TMEM106B: variants seen among roughly 807,000 people sequenced by gnomAD.
The protein encoded by TMEM106B is transmembrane protein 106B.
Under a neutral mutation model 31.1 loss-of-function variants are expected in TMEM106B, and 15 were observed. That is an observed-to-expected ratio of 0.48 (90% CI 0.32 to 0.74). The LOEUF is 0.74. Ranked by LOEUF, TMEM106B falls within the 30% of genes least tolerant of loss-of-function variation. TMEM106B has a pLI of 0.03. For synonymous variants in TMEM106B, 126 were observed against 112.5 expected, an observed-to-expected ratio of 1.12 and a Z score of -0.76; for missense variants, 283 against 327.3, an observed-to-expected ratio of 0.86 and a Z score of 1.04.
rs565276592 is a variant in TMEM106B, at chr7:12,233,150, C to G, written c.*1175C>G. The G allele has an allele frequency of 6.6e-6, 1 of 150,606 alleles. No individual in the cohort carries two copies. The highest frequency in any genetic ancestry group is 2.1e-4 in the South Asian group (1 of 4,774). 9.3% of individuals were successfully genotyped at this position (150,606 alleles called of 1,614,324 possible). A position where few individuals can be genotyped will look rare whatever the true frequency, so the allele number is the denominator to read the frequency against. ...GTAGTTACTTTTTTATAGTTTTCTA[C>G]TTTTGGTTTTATTTAAAATTGTTTT... On this transcript the variant is annotated 3_prime_UTR_variant, in exon 8 of 8. Coordinates refer to ENST00000396668, the MANE Select transcript of TMEM106B (RefSeq NM_001134232.2).
rs1349731068 is a variant in TMEM106B at position 12,236,908 on chromosome 7, T to G, written c.*4933T>G. Reference sequence around the variant, plus strand: ...AAAATGATTTGACGTGCTTGCTCACTTGATTGACTTGGTCAGATATTTGAA... The same window carrying G: ...AAAATGATTTGACGTGCTTGCTCACGTGATTGACTTGGTCAGATATTTGAA... On this transcript the variant is annotated 3_prime_UTR_variant, in exon 8 of 8. Transcript: ENST00000396668. 2.0e-5 allele frequency: 3 copies of G among 152,098 alleles called. No homozygotes were observed. The highest frequency in any genetic ancestry group is 7.2e-5 in the African/African-American group (3 of 41,448). The allele number at this position is 152,098 out of a possible 1,614,324, so 9.4% of individuals were successfully genotyped here.
intron 1 of TMEM106B, among the ~76,000 whole-genome samples, chr7:12,213,179 T>A (rs192965850): frequency 6.6e-6 from 1 of 152,328 alleles, no homozygotes; most frequent in Non-Finnish European, 1.5e-5. Flanking sequence ...ATTTTGATAC[T>A]CTTATCCTAA....
Position 12,234,009 on chromosome 7 carries a change from AG to A in TMEM106B, c.*2035del, listed in dbSNP as rs975673710. ...TAGTGACTGTGTAAAATAAAAAAAA[AG>A]TTATTTTATCATATCCTTTCTATTA... On this transcript the variant is annotated 3_prime_UTR_variant, in exon 8 of 8. Coordinates refer to ENST00000396668, the MANE Select transcript of TMEM106B (RefSeq NM_001134232.2). The A allele has an allele frequency of 2.1e-4, 32 of 151,834 alleles. No homozygotes were observed. Among genetic ancestry groups the A allele is most frequent in the African/African-American group, 6.7e-4 (28 of 41,536 alleles). The allele number at this position is 151,834 out of a possible 1,614,324, so 9.4% of individuals were successfully genotyped here.
At chr7:12,226,486 G>A (rs993507757) in intron 4 of TMEM106B, among the ~76,000 whole-genome samples, 2 of 152,148 alleles carry the variant, frequency 1.3e-5, no homozygotes, top group Non-Finnish European at 2.9e-5. Flanking sequence ...TAGGAAAAGG[G>A]ATAATATTTA....
chr7:12,227,404 A>G (rs973033471), intron 4 of TMEM106B, among the ~76,000 whole-genome samples: 16 of 152,086 alleles, frequency 1.1e-4, no homozygotes, highest in African/African-American at 3.9e-4. Context: ...ATTACCATAT[A>G]CATATATTTA....
chr7:12,225,013 C>T (rs931858416), intron 4 of TMEM106B, among the ~76,000 whole-genome samples: 5 of 152,056 alleles, frequency 3.3e-5, no homozygotes, highest in African/African-American at 1.2e-4. Flanking sequence ...GCTATCCCTC[C>T]CCCATCCCTC....
rs532891312 is a variant in TMEM106B, at chr7:12,236,329, G to T, written c.*4354G>T. On this transcript the variant is annotated 3_prime_UTR_variant, in exon 8 of 8. Transcript: ENST00000396668. ...TAATTTCCATTTTTAAAAGTAATTT[G>T]GTTGTGTTTATAGTTATTTGTACAA... 4 of 151,890 alleles carry T rather than the reference G, an allele frequency of 2.6e-5. No homozygotes were observed. In the South Asian group the frequency reaches 8.3e-4, roughly 32 times the overall value. The allele number at this position is 151,890 out of a possible 1,614,324, so 9.4% of individuals were successfully genotyped here.
rs189222861 is a variant in TMEM106B, at chr7:12,232,248, C to T, written c.*273C>T. 63 of 226,254 alleles carry T rather than the reference C, an allele frequency of 2.8e-4. No individual in the cohort carries two copies. Among genetic ancestry groups the T allele is most frequent in the East Asian group, 4.2e-4 (5 of 12,024 alleles). The allele number at this position is 226,254 out of a possible 1,614,324, so 14.0% of individuals were successfully genotyped here. On this transcript the variant is annotated 3_prime_UTR_variant, in exon 8 of 8. Transcript: ENST00000396668. The stretch of plus-strand genomic sequence containing the variant: ...CTACAGGGAAAAGCTGATACTTCCC[C>T]TATAGTACAATAAATAATTATTTAA...
At chr7:12,216,496 T>G (rs76689854) in intron 2 of TMEM106B, among the ~76,000 whole-genome samples, 2,830 of 152,178 alleles carry the variant, frequency 0.019, 80 homozygotes, top group African/African-American at 0.065. Context: ...CATTAGGCAG[T>G]TAGTTATCAT....
At chr7:12,225,929 C>T (rs1357210060) in intron 4 of TMEM106B, among the ~76,000 whole-genome samples, 1 of 152,162 alleles carries the variant, frequency 6.6e-6, no homozygotes, top group East Asian at 1.9e-4. Context: ...GAAGTCCTTG[C>T]CCATGCCTAC....
At chr7:12,231,017 T>A in intron 6 of TMEM106B, 45 bp from the exon 7 acceptor site, 1 of 1,335,202 alleles carries the variant, frequency 7.5e-7, no homozygotes, top group Non-Finnish European at 1.0e-6. Flanking sequence ...TTTTAATTTA[T>A]AATGTAGTAA....
Position 12,240,873 on chromosome 7 carries a change from G to A in TMEM106B, c.*8898G>A, listed in dbSNP as rs1782227872. 2 of 152,104 alleles carry A rather than the reference G, an allele frequency of 1.3e-5. No individual in the cohort carries two copies. The highest frequency in any genetic ancestry group is 6.6e-5 in the Admixed American group (1 of 15,246). 9.4% of individuals were successfully genotyped at this position (152,104 alleles called of 1,614,324 possible). The stretch of plus-strand genomic sequence containing the variant: ...GGACCCCTGAACATTGGCCTAGAGG[G>A]TAGTGTACAGTCACTTCTTCAGTGA... On this transcript the variant is annotated 3_prime_UTR_variant, in exon 8 of 8. Transcript: ENST00000396668.
At chr7:12,223,879 C>G (rs1383503006) in intron 3 of TMEM106B, among the ~76,000 whole-genome samples, 1 of 152,046 alleles carries the variant, frequency 6.6e-6, no homozygotes, top group African/African-American at 2.4e-5. Flanking sequence ...CACCACCACA[C>G]CTGGCTAATT....
At chr7:12,215,941 T>C in intron 2 of TMEM106B, 1 of 153,684 alleles carries the variant, frequency 6.5e-6, no homozygotes, top group East Asian at 1.9e-4. Context: ...ATAATAAAGA[T>C]ACTTTATGCT....
chr7:12,218,659 T>C, intron 3 of TMEM106B, 138 bp downstream of exon 3: 1 of 687,184 alleles, frequency 1.5e-6, no homozygotes, highest in Non-Finnish European at 2.4e-6. Context: ...CATCATATGC[T>C]TTGTATCCTT....
In TMEM106B at chr7:12,239,733, AAC is replaced by A. The variant is rs1301877401; in HGVS notation, c.*7765_*7766del. 17 of 152,150 alleles carry A rather than the reference AAC, an allele frequency of 1.1e-4. No individual in the cohort carries two copies. Among genetic ancestry groups the A allele is most frequent in the African/African-American group, 4.1e-4 (17 of 41,444 alleles). The allele number at this position is 152,150 out of a possible 1,614,324, so 9.4% of individuals were successfully genotyped here. On this transcript the variant is annotated 3_prime_UTR_variant, in exon 8 of 8. Transcript: ENST00000396668. Reference sequence around the variant, plus strand: ...AACAGCTGGTTAGGAGAGCAGTCCGAACACACACTTTTTTTTATTACTTTCAC... The same window carrying A: ...AACAGCTGGTTAGGAGAGCAGTCCGAACACACTTTTTTTTATTACTTTCAC...
At chr7:12,214,779 G>C in intron 1 of TMEM106B, 30 bp from the exon 2 acceptor site, 2 of 1,541,770 alleles carry the variant, frequency 1.3e-6, no homozygotes, top group South Asian at 1.2e-5. Flanking sequence ...TTTCCCTGAA[G>C]TTTACTGTAA....
chr7:12,230,504 A>G, intron 6 of TMEM106B, 66 bp downstream of exon 6: 1 of 1,102,398 alleles, frequency 9.1e-7, no homozygotes, highest in South Asian at 1.4e-5. Context: ...AAGTATAAAG[A>G]GTATACATAT....
At chr7:12,230,938 A>AG in intron 6 of TMEM106B, 124 bp from the exon 7 acceptor site, 1 of 577,920 alleles carries the variant, frequency 1.7e-6, no homozygotes. Flanking sequence ...AAGTATAGAA[A>AG]ATTCTCAACC....
Sources: allele counts gnomAD v4.1 joint callset (sites outside exome capture counted in the v4.1 genomes callset), GRCh38; gene constraint gnomAD v4.1.1; transcripts MANE v1.5; gene names NCBI Gene and HGNC (gene_info 2026-07-23, HGNC 2026-07-21).